Variants in PIP4P2 observed in about 807,000 individuals in gnomAD.
The protein encoded by PIP4P2 is phosphatidylinositol-4,5-bisphosphate 4-phosphatase 2.
In PIP4P2, 19 loss-of-function variants were observed where a neutral mutation model predicts 33.3. The ratio of observed to expected loss-of-function variants is 0.57; its 90% CI spans 0.40 to 0.84. The LOEUF is 0.84. Ranked by LOEUF, PIP4P2 falls within the 40% of genes least tolerant of loss-of-function variation. PIP4P2 has a pLI of 0.00. For synonymous variants in PIP4P2, 110 were observed against 111.9 expected (o/e 0.98, Z 0.11); for missense variants, 270 against 324.7 (o/e 0.83, Z 1.29).
chr8:91,030,628 T>C (rs1004762591), intron 1 of PIP4P2, among the ~76,000 whole-genome samples: 8 of 152,196 alleles, frequency 5.3e-5, no homozygotes, highest in Non-Finnish European at 7.4e-5. Context: ...ACTCCAACCC[T>C]TATGCCCATT....
intron 3 of PIP4P2, among the ~76,000 whole-genome samples, chr8:91,019,501 G>A (rs1027469202): frequency 4.0e-5 from 6 of 150,314 alleles, no homozygotes; most frequent in Non-Finnish European, 8.9e-5. Flanking sequence ...AGGCTTTCAG[G>A]GCAGAAGGTA....
At chr8:91,017,823 A>AAGTTTAAGTT (rs1811939599) in intron 4 of PIP4P2, among the ~76,000 whole-genome samples, 1 of 152,196 alleles carries the variant, frequency 6.6e-6, no homozygotes, top group Non-Finnish European at 1.5e-5. Flanking sequence ...AAATCAAACT[A>AAGTTTAAGTT]AGTTTAAGTT....
At chr8:91,017,266 G>A (rs939309112) in intron 4 of PIP4P2, among the ~76,000 whole-genome samples, 1 of 152,168 alleles carries the variant, frequency 6.6e-6, no homozygotes, top group Admixed American at 6.6e-5. Context: ...AGGTGTGGTG[G>A]TGTGCACCTA....
intron 5 of PIP4P2, among the ~76,000 whole-genome samples, chr8:91,001,349 C>T (rs187459598): frequency 2.0e-5 from 3 of 152,188 alleles, no homozygotes; most frequent in African/African-American, 7.2e-5. Flanking sequence ...CAGTCTATCA[C>T]TGTAAGGATC....
In PIP4P2 at chr8:91,037,901, A is replaced by AT. The variant is rs372898926; in HGVS notation, c.106+2742dup. ...CAATTAATACATCAAAACTGTGTAA[A>AT]TTTTGTGGTATTTCTTCCAATCTCC... On this transcript the variant is annotated intron_variant, in intron 1 of 6. Transcript: ENST00000285419. 1.2e-3 allele frequency among the ~76,000 whole-genome samples: 183 copies of AT among 152,312 alleles called. 1 individual carries two copies. The highest frequency in any genetic ancestry group is 0.01 in the Middle Eastern group (3 of 294).
At chr8:90,999,483 G>C (rs2130348772) in intron 5 of PIP4P2, among the ~76,000 whole-genome samples, 1 of 152,118 alleles carries the variant, frequency 6.6e-6, no homozygotes, top group South Asian at 2.1e-4. Context: ...AAAGAGGAGA[G>C]AAAAAACGAA....
At chr8:91,032,519 G>A (rs1033177262) in intron 1 of PIP4P2, among the ~76,000 whole-genome samples, 2 of 151,978 alleles carry the variant, frequency 1.3e-5, no homozygotes, top group South Asian at 2.1e-4. Context: ...GGTGGCTCAT[G>A]CCTGTAATCC....
intron 1 of PIP4P2, among the ~76,000 whole-genome samples, chr8:91,033,681 C>T (rs1434825612): frequency 6.6e-6 from 1 of 152,202 alleles, no homozygotes; most frequent in Non-Finnish European, 1.5e-5. Context: ...GAATAGAAAT[C>T]TCCCCTGGGC....
At position 90,995,660 on chromosome 8, in the gene PIP4P2, C is replaced by A; in HGVS notation, c.*17G>T. The A allele has an allele frequency of 1.2e-6, 2 of 1,604,350 alleles. No homozygotes were observed. Among genetic ancestry groups the A allele is most frequent in the Non-Finnish European group, 1.7e-6 (2 of 1,176,792 alleles). Reference sequence around the variant, plus strand: ...CTGCTAGACACTCTCACCTGCATTACTGAATCATAAACAAGCTTATGCAAA... The same window carrying A: ...CTGCTAGACACTCTCACCTGCATTAATGAATCATAAACAAGCTTATGCAAA... On this transcript the variant is annotated 3_prime_UTR_variant, in exon 7 of 7. Transcript: ENST00000285419.
rs541165615 is a variant in PIP4P2 at position 91,011,772 on chromosome 8, T to C, written c.487-2977A>G. On this transcript the variant is annotated intron_variant, in intron 4 of 6. Coordinates refer to ENST00000285419, the MANE Select transcript of PIP4P2 (RefSeq NM_018710.3). ...GGCTGTGGTATGAATAGTGTAAATA[T>C]TGTGAATTCCTAGAAAATTTAACCT... Among the ~76,000 whole-genome samples, 4 of 152,112 alleles carry C rather than the reference T, an allele frequency of 2.6e-5. No homozygotes were observed. In the South Asian group the frequency reaches 8.3e-4, roughly 32 times the overall value.
chr8:91,003,689 A>C (rs956565663), intron 5 of PIP4P2, among the ~76,000 whole-genome samples: 1 of 152,116 alleles, frequency 6.6e-6, no homozygotes, highest in Non-Finnish European at 1.5e-5. Context: ...TGAAGCTCCA[A>C]AGAAATATCT....
At chr8:91,027,210 T>C (rs552566860) in intron 1 of PIP4P2, among the ~76,000 whole-genome samples, 5 of 152,324 alleles carry the variant, frequency 3.3e-5, no homozygotes, top group South Asian at 4.1e-4. Context: ...TCATTGAAAG[T>C]TGGGGCATTG....
chr8:91,017,290 T>G (rs1393207392), intron 4 of PIP4P2, among the ~76,000 whole-genome samples: 1 of 152,022 alleles, frequency 6.6e-6, no homozygotes, highest in African/African-American at 2.4e-5. Flanking sequence ...TCCCAGCTAC[T>G]TGGGAGGCTG....
In PIP4P2 at chr8:91,003,908, T is replaced by C. The variant is rs1245655574; in HGVS notation, c.539+4835A>G. Among the ~76,000 whole-genome samples the C allele has an allele frequency of 2.6e-5, 4 of 151,284 alleles. No individual in the cohort carries two copies. In the South Asian group the frequency reaches 8.3e-4, roughly 32 times the overall value. ...AACAAACTTTAAGGAAAAGAAACCA[T>C]TGTATTAGTCAGGGTTCTCCAGAAA... On this transcript the variant is annotated intron_variant, in intron 5 of 6. Coordinates refer to ENST00000285419, the MANE Select transcript of PIP4P2 (RefSeq NM_018710.3).
In PIP4P2 at chr8:90,995,702, C is replaced by T. The variant is rs778053742; in HGVS notation, c.749G>A (p.Ser250Asn). 3.7e-6 allele frequency: 6 copies of T among 1,612,858 alleles called. No homozygotes were observed. The highest frequency in any genetic ancestry group is 4.2e-6 in the Non-Finnish European group (5 of 1,179,428). Residue 250 changes from serine (S) to asparagine (N), a missense_variant, in exon 7 of 7, where the codon AGT (serine) becomes AAT (asparagine). By Grantham distance (46) the Ser-to-Asn change is conservative. Coordinates refer to ENST00000285419, the MANE Select transcript of PIP4P2 (RefSeq NM_018710.3). ...TTATGCAAAACTGTGTTCTGGATAACTGACTCTTATGGCTCCCCAATAACA... is the reference window on the plus strand; with the variant it reads ...TTATGCAAAACTGTGTTCTGGATAATTGACTCTTATGGCTCCCCAATAACA... ...RACYWGAIRVSYPEHSFA is the reference protein window; with the variant it reads ...RACYWGAIRVNYPEHSFA
chr8:91,028,123 T>C (rs1018800951), intron 1 of PIP4P2, among the ~76,000 whole-genome samples: 1 of 152,184 alleles, frequency 6.6e-6, no homozygotes, highest in Non-Finnish European at 1.5e-5. Context: ...ATTACAATAT[T>C]TTGAGCCACA....
intron 3 of PIP4P2, 184 bp from the exon 4 acceptor site, chr8:91,018,697 G>A: frequency 1.4e-6 from 1 of 716,026 alleles, no homozygotes. Flanking sequence ...CAAAATATGA[G>A]TCTGTACTTG....
intron 5 of PIP4P2, among the ~76,000 whole-genome samples, chr8:91,004,918 G>T (rs1312694199): frequency 6.6e-6 from 1 of 152,068 alleles, no homozygotes; most frequent in Non-Finnish European, 1.5e-5. Context: ...GAAATGGGAA[G>T]TCAATCAAGG....
At chr8:91,025,285 T>C (rs1812068003) in intron 1 of PIP4P2, among the ~76,000 whole-genome samples, 1 of 152,116 alleles carries the variant, frequency 6.6e-6, no homozygotes, top group South Asian at 2.1e-4. Context: ...AATGATAGTT[T>C]ATGGATCACA....
Sources: gnomAD v4.1 joint callset for allele counts (sites outside exome capture counted in the v4.1 genomes callset) on GRCh38, gnomAD v4.1.1 for gene constraint, MANE v1.5 for transcripts, NCBI Gene and HGNC (gene_info 2026-07-23, HGNC 2026-07-21) for gene names.